LPP: variants seen among roughly 807,000 people sequenced by gnomAD.
LPP encodes lipoma-preferred partner.
Under a neutral mutation model 60.4 loss-of-function variants are expected in LPP, and 38 were observed. The ratio of observed to expected loss-of-function variants is 0.63; its 90% CI spans 0.49 to 0.83. The LOEUF (loss-of-function observed/expected upper bound fraction) is 0.83. Ranked by LOEUF, LPP falls within the 40% of genes least tolerant of loss-of-function variation. The pLI is 0.00. For missense variants in LPP, 902 were observed against 783.6 expected (o/e 1.15, Z -1.80); for synonymous variants, 328 against 290.8 (o/e 1.13, Z -1.30).
intron 6 of LPP, among the ~76,000 whole-genome samples, chr3:188,576,037 A>G (rs1426759822): frequency 6.6e-6 from 1 of 152,162 alleles, no homozygotes; most frequent in Non-Finnish European, 1.5e-5. Context: ...CCAAGCACAC[A>G]AGGTCCACTG....
chr3:188,455,239 T>TTA (rs1797466937), intron 4 of LPP, among the ~76,000 whole-genome samples: 1 of 152,042 alleles, frequency 6.6e-6, no homozygotes, highest in Non-Finnish European at 1.5e-5. Flanking sequence ...AATAGTAATA[T>TTA]TTGGGGACTA....
At chr3:188,668,833 C>T (rs964113138) in intron 7 of LPP, among the ~76,000 whole-genome samples, 5 of 152,172 alleles carry the variant, frequency 3.3e-5, no homozygotes, top group Admixed American at 1.3e-4. Context: ...TACTCTTTAT[C>T]GCTTCTCAGC....
Position 188,884,103 on chromosome 3 carries a change from T to G in LPP, c.*9624T>G, listed in dbSNP as rs1770383044. The G allele has an allele frequency of 4.5e-6, 1 of 224,490 alleles. No individual in the cohort carries two copies. The highest frequency in any genetic ancestry group is 2.2e-5 in the African/African-American group (1 of 44,816). The allele number at this position is 224,490 out of a possible 1,614,324, so 13.9% of individuals were successfully genotyped here. A position where few individuals can be genotyped will look rare whatever the true frequency, so the allele number is the denominator to read the frequency against. ...GGTAACTTTCTGAGCTGTAAAATAG[T>G]AATTCCTAAGAGAGCTTACAAACTG... is the stretch of plus-strand genomic sequence containing the variant. On this transcript the variant is annotated 3_prime_UTR_variant, in exon 12 of 12. Coordinates refer to ENST00000617246, the MANE Select transcript of LPP (RefSeq NM_001375462.1).
At chr3:188,405,249 G>T (rs1378275514) in intron 3 of LPP, among the ~76,000 whole-genome samples, 2 of 152,324 alleles carry the variant, frequency 1.3e-5, no homozygotes, top group East Asian at 3.9e-4. Context: ...GTGGGGACCA[G>T]AGCTGCTCCT....
At chr3:188,293,765 G>T (rs1194141146) in intron 2 of LPP, among the ~76,000 whole-genome samples, 2 of 152,020 alleles carry the variant, frequency 1.3e-5, no homozygotes, top group Admixed American at 1.3e-4. Flanking sequence ...ATGGCAAAGT[G>T]AAAGAAGCCA....
chr3:188,216,273 C>CT (rs1315000809), intron 1 of LPP, among the ~76,000 whole-genome samples: 16,519 of 131,120 alleles, frequency 0.13, 1,671 homozygotes, highest in East Asian at 0.51. Flanking sequence ...CTTCTTCTTC[C>CT]TTTTTTTTTT....
intron 7 of LPP, among the ~76,000 whole-genome samples, chr3:188,688,170 A>G (rs1435483573): frequency 6.6e-6 from 1 of 152,204 alleles, no homozygotes; most frequent in Admixed American, 6.5e-5. Flanking sequence ...GCCTAAACCC[A>G]TATCCTTTAG....
At chr3:188,589,998 A>G (rs1012044454) in intron 6 of LPP, among the ~76,000 whole-genome samples, 2 of 152,148 alleles carry the variant, frequency 1.3e-5, no homozygotes, top group African/African-American at 4.8e-5. Context: ...ATTTTTGTTT[A>G]CGTTGCACTG....
intron 8 of LPP, among the ~76,000 whole-genome samples, chr3:188,717,748 A>G (rs1230258577): frequency 2.6e-5 from 4 of 152,208 alleles, no homozygotes; most frequent in Non-Finnish European, 5.9e-5. Context: ...TAAATAAATA[A>G]TAATTCTGAG....
intron 1 of LPP, chr3:188,178,958 G>C: frequency 3.7e-6 from 1 of 271,592 alleles, no homozygotes; most frequent in Non-Finnish European, 7.4e-6. Flanking sequence ...GCCAGAGGTG[G>C]GGAGTGGGAG....
At chr3:188,513,578 A>G (rs1220918094) in intron 5 of LPP, among the ~76,000 whole-genome samples, 1 of 152,130 alleles carries the variant, frequency 6.6e-6, no homozygotes, top group Non-Finnish European at 1.5e-5. Flanking sequence ...ATTATTATCT[A>G]TGCAAATTGA....
chr3:188,356,028 A>T (rs553735010), intron 3 of LPP, among the ~76,000 whole-genome samples: 9 of 152,354 alleles, frequency 5.9e-5, no homozygotes, highest in East Asian at 5.8e-4. Flanking sequence ...AGCTTAAAAA[A>T]TTTCTGTAAT....
intron 9 of LPP, among the ~76,000 whole-genome samples, chr3:188,830,114 G>C (rs1203761100): frequency 6.6e-6 from 1 of 151,872 alleles, no homozygotes; most frequent in Non-Finnish European, 1.5e-5. Context: ...AAATATAATG[G>C]CTGATGGCGT....
At chr3:188,190,895 AAAG>A (rs1358525479) in intron 1 of LPP, among the ~76,000 whole-genome samples, 2 of 152,222 alleles carry the variant, frequency 1.3e-5, no homozygotes, top group East Asian at 3.8e-4. Flanking sequence ...CTAGATGATG[AAAG>A]AAGATGAAGT....
intron 6 of LPP, among the ~76,000 whole-genome samples, chr3:188,602,181 T>TATATAATATATATATATA (rs1841490428): frequency 1.5e-5 from 2 of 135,002 alleles, no homozygotes; most frequent in African/African-American, 5.3e-5. Context: ...ATATATTATA[T>TATATAATATATATATATA]ATATATATGA....
At chr3:188,200,141 T>C (rs1008950457) in intron 1 of LPP, among the ~76,000 whole-genome samples, 2 of 152,154 alleles carry the variant, frequency 1.3e-5, no homozygotes, top group African/African-American at 2.4e-5. Flanking sequence ...TATTTTTTTT[T>C]CCCTCCTGCA....
intron 9 of LPP, among the ~76,000 whole-genome samples, chr3:188,804,284 A>ATAT (rs1367742182): frequency 2.5e-5 from 1 of 39,892 alleles, no homozygotes; most frequent in Admixed American, 3.6e-4. Flanking sequence ...TATATATATA[A>ATAT]AATGGAATAC....
rs758150007 is a variant in LPP at position 188,354,830 on chromosome 3, C to CACAG, written c.-10+13114_-10+13115insGACA. 6.9e-3 allele frequency among the ~76,000 whole-genome samples: 359 copies of CACAG among 52,150 alleles called. 1 individual carries two copies. Among genetic ancestry groups the CACAG allele is most frequent in the Middle Eastern group, 0.015 (1 of 66 alleles). The allele number at this position is 52,150 out of a possible 152,430, so 34.2% of individuals were successfully genotyped here. ...ACACACGCGCGTGCGCGCACACACACACACAGACACACACACACAGGGAGG... is the reference window on the plus strand; with the variant it reads ...ACACACGCGCGTGCGCGCACACACACACAGACACAGACACACACACACAGGGAGG... On this transcript the variant is annotated intron_variant, in intron 3 of 11. Coordinates refer to ENST00000617246, the MANE Select transcript of LPP (RefSeq NM_001375462.1).
intron 10 of LPP, among the ~76,000 whole-genome samples, chr3:188,869,059 C>T (rs780072006): frequency 1.3e-4 from 20 of 152,162 alleles, no homozygotes; most frequent in Non-Finnish European, 1.8e-4. Context: ...GCTTTGTGGA[C>T]GGAGAATGTC....
Sources: gnomAD v4.1 joint callset for allele counts (sites outside exome capture counted in the v4.1 genomes callset) on GRCh38, gnomAD v4.1.1 for gene constraint, MANE v1.5 for transcripts, NCBI Gene and HGNC (gene_info 2026-07-23, HGNC 2026-07-21) for gene names.